KIF14: variants seen among roughly 807,000 people sequenced by gnomAD.
The protein encoded by KIF14 is kinesin family member 14, also known as kinesin-like protein KIF14.
In KIF14, 98 loss-of-function variants were observed where a neutral mutation model predicts 176.2. The observed-to-expected ratio is 0.56, with a 90% confidence interval of 0.47 to 0.66. The LOEUF (loss-of-function observed/expected upper bound fraction) is 0.66, where lower values mean the gene tolerates loss of function less well. KIF14 is among the 30% of genes least tolerant of loss of function. The pLI is 0.00. For synonymous variants in KIF14, 566 were observed against 632.2 expected (o/e 0.90, Z 1.57); for missense variants, 1,751 against 1,920.4 (o/e 0.91, Z 1.65).
intron 3 of KIF14, 82 bp from the exon 4 acceptor site, chr1:200,614,487 G>A (rs1024123270): frequency 5.0e-6 from 4 of 795,180 alleles, no homozygotes; most frequent in Admixed American, 4.9e-5. Flanking sequence ...GCTGGGAAGG[G>A]AGTAGGAAGC....
At position 200,601,944 on chromosome 1, in the gene KIF14, C is replaced by G. The variant is rs747966007; in HGVS notation, c.2104G>C (p.Val702Leu). 7.4e-6 allele frequency: 12 copies of G among 1,613,358 alleles called. No homozygotes were observed. The highest frequency in any genetic ancestry group is 6.7e-5 in the Admixed American group (4 of 59,966). ...TCTTCATTTACTTTAGCAATGTTGA[C>G]TATTAAACGGGCTTGGTTAGCATAT... ...LRYANQARLI[V>L]NIAKVNEDMN... The change falls in exon 11 of 30, where the codon GTC (valine) becomes CTC (leucine). Residue 702 changes from valine to leucine, a missense_variant. Physicochemically the swap from Val to Leu is conservative, Grantham distance 32. Transcript: ENST00000367350.
At position 200,558,701 on chromosome 1, in the gene KIF14, T is replaced by C. The variant is rs574943374; in HGVS notation, c.4353+629A>G. 1.1e-4 allele frequency among the ~76,000 whole-genome samples: 16 copies of C among 152,312 alleles called. No individual in the cohort carries two copies. In the South Asian group the frequency reaches 3.1e-3, roughly 30 times the overall value. On this transcript the variant is annotated intron_variant, in intron 27 of 29. Transcript: ENST00000367350. ...TCAGTAAATAGTTTACAGCCTGTGA[T>C]GTAGGTATGCTTACATGACAGGGTC...
At chr1:200,612,782 C>T (rs908462064) in intron 4 of KIF14, among the ~76,000 whole-genome samples, 3 of 151,932 alleles carry the variant, frequency 2.0e-5, no homozygotes, top group Non-Finnish European at 2.9e-5. Context: ...TTTCTCTCTC[C>T]CTCATCCTCC....
At chr1:200,561,204 G>A (rs559602956) in intron 25 of KIF14, among the ~76,000 whole-genome samples, 8 of 146,778 alleles carry the variant, frequency 5.5e-5, no homozygotes, top group South Asian at 2.2e-4. Context: ...CACTCCAGCC[G>A]GGGTGACAGA....
intron 23 of KIF14, among the ~76,000 whole-genome samples, chr1:200,566,151 C>A (rs981076679): frequency 6.6e-6 from 1 of 152,138 alleles, no homozygotes; most frequent in Non-Finnish European, 1.5e-5. Flanking sequence ...ACCTCTCAAC[C>A]GCATCAATCC....
intron 28 of KIF14, among the ~76,000 whole-genome samples, 166 bp downstream of exon 28, chr1:200,555,212 ATG>A (rs758800405): frequency 8.5e-5 from 13 of 152,218 alleles, no homozygotes; most frequent in Non-Finnish European, 1.5e-4. Flanking sequence ...CTAGTAAGTT[ATG>A]ACACACATAA....
At chr1:200,614,112 C>G (rs555203078) in intron 4 of KIF14, among the ~76,000 whole-genome samples, 35 of 152,334 alleles carry the variant, frequency 2.3e-4, no homozygotes, top group African/African-American at 7.7e-4. Context: ...GAAGAGATGA[C>G]TTCACTATCA....
At position 200,565,256 on chromosome 1, in the gene KIF14, T is replaced by C; in HGVS notation, c.3887-3A>G. On this transcript the variant is annotated splice_polypyrimidine_tract_variant and splice_region_variant and intron_variant, in intron 24 of 29. Transcript: ENST00000367350. The stretch of plus-strand genomic sequence containing the variant: ...GATTGCTCGATCAGAAGAAAACACT[T>C]TGAAAGAAGAAGAAAAATTACTGAA... The C allele has an allele frequency of 1.3e-6, 2 of 1,581,196 alleles. No individual in the cohort carries two copies. The highest frequency in any genetic ancestry group is 1.7e-6 in the Non-Finnish European group (2 of 1,168,324).
intron 1 of KIF14, 105 bp downstream of exon 1, chr1:200,620,306 G>C (rs1660619637): frequency 6.6e-6 from 1 of 152,224 alleles, no homozygotes; most frequent in Non-Finnish European, 1.5e-5. Context: ...ATTTTAAAGA[G>C]GACTGGAAGG....
intron 3 of KIF14, among the ~76,000 whole-genome samples, chr1:200,614,790 CAAAAAAAAAAAAAAAAA>C (rs67447333): frequency 6.7e-5 from 5 of 74,862 alleles, no homozygotes; most frequent in African/African-American, 1.7e-4. Context: ...AACCTTGCTA[CAAAAAAAAAAAAAAAAA>C]AAAAAAAAAA....
At chr1:200,614,787 C>T (rs1210234825) in intron 3 of KIF14, among the ~76,000 whole-genome samples, 4 of 40,074 alleles carry the variant, frequency 1.0e-4, no homozygotes, top group Non-Finnish European at 1.4e-4. Flanking sequence ...ACAAACCTTG[C>T]TACAAAAAAA....
chr1:200,613,766 GA>G (rs577040307), intron 4 of KIF14, among the ~76,000 whole-genome samples: 31 of 144,814 alleles, frequency 2.1e-4, no homozygotes, highest in Admixed American at 3.4e-4. Flanking sequence ...GAAAATTTGA[GA>G]AAAAAAAAAA....
chr1:200,578,240 A>G (rs1658240627), intron 21 of KIF14, among the ~76,000 whole-genome samples: 1 of 152,086 alleles, frequency 6.6e-6, no homozygotes, highest in Admixed American at 6.6e-5. Context: ...TTATCTCATA[A>G]TGATTCCTTT....
chr1:200,599,134 T>C (rs1344163994), intron 13 of KIF14, among the ~76,000 whole-genome samples: 2 of 152,176 alleles, frequency 1.3e-5, no homozygotes, highest in Non-Finnish European at 2.9e-5. Flanking sequence ...TCTTATATCC[T>C]ATGCCAGGTT....
At chr1:200,599,335 C>T (rs977788841) in intron 13 of KIF14, among the ~76,000 whole-genome samples, 4 of 152,178 alleles carry the variant, frequency 2.6e-5, no homozygotes, top group Non-Finnish European at 4.4e-5. Context: ...AACTGATCTA[C>T]GTACCCTTTC....
intron 16 of KIF14, 59 bp from the exon 17 acceptor site, chr1:200,590,331 A>G (rs1658990555): frequency 7.0e-7 from 1 of 1,433,012 alleles, no homozygotes; most frequent in South Asian, 1.4e-5. Flanking sequence ...ACATCATAAT[A>G]GTTCTTAATC....
Position 200,605,452 on chromosome 1 carries a change from AAG to A in KIF14, c.1639-64_1639-63del, listed in dbSNP as rs141310827. 11 of 1,179,330 alleles carry A rather than the reference AAG, an allele frequency of 9.3e-6. No homozygotes were observed. In the East Asian group the frequency reaches 2.6e-4, roughly 28 times the overall value. The allele number at this position is 1,179,330 out of a possible 1,614,324, so 73.1% of individuals were successfully genotyped here. ...ACTGTAACTCAATGATATAAAAATT[AAG>A]AGAGACAACATATACACATTTGTAA... is the stretch of plus-strand genomic sequence containing the variant. On this transcript the variant is annotated intron_variant, in intron 7 of 29. Coordinates refer to ENST00000367350, the MANE Select transcript of KIF14 (RefSeq NM_014875.3).
intron 21 of KIF14, among the ~76,000 whole-genome samples, chr1:200,578,873 CA>C (rs1658282868): frequency 6.6e-6 from 1 of 151,944 alleles, no homozygotes; most frequent in Non-Finnish European, 1.5e-5. Flanking sequence ...GGGTGGATCA[CA>C]AGGTCTGGAG....
At position 200,552,150 on chromosome 1, in the gene KIF14, ATTCTTCTTTTTTT is replaced by A. The variant is rs1049141831; in HGVS notation, c.*1225_*1237del. The A allele has an allele frequency of 3.5e-5, 5 of 140,974 alleles. No homozygotes were observed. Among genetic ancestry groups the A allele is most frequent in the South Asian group, 2.3e-4 (1 of 4,364 alleles). The allele number at this position is 140,974 out of a possible 1,614,324, so 8.7% of individuals were successfully genotyped here. On this transcript the variant is annotated 3_prime_UTR_variant, in exon 30 of 30. Coordinates refer to ENST00000367350, the MANE Select transcript of KIF14 (RefSeq NM_014875.3). Reference sequence around the variant, plus strand: ...TGAAAGGATCAGGTTATTTAAATGAATTCTTCTTTTTTTTTCTTCTTTTTTTTTAAATGAATTA... The same window carrying A: ...TGAAAGGATCAGGTTATTTAAATGAATTCTTCTTTTTTTTTAAATGAATTA...
Sources: gnomAD v4.1 joint callset for allele counts (sites outside exome capture counted in the v4.1 genomes callset) on GRCh38, gnomAD v4.1.1 for gene constraint, MANE v1.5 for transcripts, NCBI Gene and HGNC (gene_info 2026-07-23, HGNC 2026-07-21) for gene names.